The following BTBD7 variants were observed in gnomAD, a reference collection of about 807,000 sequenced individuals.
BTBD7 encodes the protein BTB/POZ domain-containing protein 7.
In BTBD7, 38 loss-of-function variants were observed where a neutral mutation model predicts 99.9. That is an observed-to-expected ratio of 0.38 (90% CI 0.29 to 0.50). The LOEUF (loss-of-function observed/expected upper bound fraction) is 0.50. Among genes scored for constraint, BTBD7 ranks in the 20% least tolerant of loss-of-function variants. BTBD7 has a pLI of 0.93. For missense variants in BTBD7, 1,170 were observed against 1,394.6 expected (o/e 0.84, Z 2.57); for synonymous variants, 520 against 511.4 (o/e 1.02, Z -0.23).
intron 3 of BTBD7, among the ~76,000 whole-genome samples, chr14:93,264,673 TA>T (rs951633123): frequency 2.0e-5 from 3 of 152,084 alleles, no homozygotes; most frequent in Non-Finnish European, 4.4e-5. Context: ...AAAATATAAG[TA>T]AAAATCTGAG....
intron 3 of BTBD7, among the ~76,000 whole-genome samples, chr14:93,281,482 C>T (rs1414970239): frequency 6.6e-6 from 1 of 152,124 alleles, no homozygotes; most frequent in African/African-American, 2.4e-5. Context: ...AGGAGTGAGA[C>T]TTTATAGTTC....
At chr14:93,273,820 C>T (rs1226776155) in intron 3 of BTBD7, among the ~76,000 whole-genome samples, 1 of 152,102 alleles carries the variant, frequency 6.6e-6, no homozygotes, top group Non-Finnish European at 1.5e-5. Flanking sequence ...AAATACAGTC[C>T]CTGTTCTGGG....
chr14:93,299,725 T>A (rs914066175), intron 1 of BTBD7, among the ~76,000 whole-genome samples: 1 of 152,094 alleles, frequency 6.6e-6, no homozygotes, highest in Non-Finnish European at 1.5e-5. Flanking sequence ...AGACATTTTT[T>A]AAAAAAGAGA....
chr14:93,297,143 A>C (rs1488460002), intron 1 of BTBD7, among the ~76,000 whole-genome samples: 1 of 152,226 alleles, frequency 6.6e-6, no homozygotes, highest in Non-Finnish European at 1.5e-5. Flanking sequence ...GTTTTAACAA[A>C]TATAGTGAAA....
In BTBD7 at chr14:93,246,109, G is replaced by A; in HGVS notation, c.2299C>T (p.Pro767Ser). 5.9e-6 allele frequency: 9 copies of A among 1,534,232 alleles called. No individual in the cohort carries two copies. Among genetic ancestry groups the A allele is most frequent in the Non-Finnish European group, 7.9e-6 (9 of 1,139,806 alleles). ...TGGTTATGGATTGGGGTAGCTGGGG[G>A]GTGGTAGGGAGGTGGTGGAGGGGGC... ...PLPPPPPPYH[P>S]PATPIHNQLK... The change falls in exon 10 of 11, where the codon CCC becomes TCC. Residue 767 changes from proline (P) to serine (S), a missense_variant. By Grantham distance (74) the Pro-to-Ser change is moderately conservative. This residue lies in a region of BTBD7 where 495 missense variants were observed against 525.9 expected (regional missense o/e 0.94). Transcript: ENST00000334746.
chr14:93,331,886 C>CCCA (rs2053426936), intron 1 of BTBD7, among the ~76,000 whole-genome samples: 1 of 147,242 alleles, frequency 6.8e-6, no homozygotes, highest in African/African-American at 2.7e-5. Flanking sequence ...GTCTCCCCCC[C>CCCA]CCCAAAAAGG....
At chr14:93,300,701 AATTTGTGT>A (rs1566856867) in intron 1 of BTBD7, among the ~76,000 whole-genome samples, 4 of 123,012 alleles carry the variant, frequency 3.3e-5, no homozygotes, top group Non-Finnish European at 6.7e-5. Context: ...ATGCCCAGCT[AATTTGTGT>A]GTGTGTGTGT....
chr14:93,257,334 G>A lies in BTBD7; in HGVS notation c.1469C>T (p.Thr490Ile), dbSNP rs771401273. 9.3e-6 allele frequency: 15 copies of A among 1,606,882 alleles called. No homozygotes were observed. In the East Asian group the frequency reaches 3.3e-4, roughly 36 times the overall value. Reference protein sequence around the residue: ...ADREPNLLSGTAHSVNKRGVK... With the variant: ...ADREPNLLSGIAHSVNKRGVK... ...ACCTCTTTTGTTCACACTATGGGCAGTGCCACTCAGTAAGTTTGGCTCTAT... is the reference window on the plus strand; with the variant it reads ...ACCTCTTTTGTTCACACTATGGGCAATGCCACTCAGTAAGTTTGGCTCTAT... The change falls in exon 6 of 11, where the codon ACT becomes ATT. Residue 490 changes from threonine to isoleucine, a missense_variant. Transcript: ENST00000334746.
chr14:93,295,027 G>A, intron 2 of BTBD7, 90 bp from the exon 3 acceptor site: 2 of 1,296,892 alleles, frequency 1.5e-6, no homozygotes, highest in Admixed American at 3.0e-5. Flanking sequence ...AATTCTGTAA[G>A]CAGACATTAC....
Position 93,241,823 on chromosome 14 carries a change from G to C in BTBD7, c.*450C>G, listed in dbSNP as rs565464438. 1 of 160,274 alleles carries C rather than the reference G, an allele frequency of 6.2e-6. No homozygotes were observed. Among genetic ancestry groups the C allele is most frequent in the East Asian group, 1.9e-4 (1 of 5,390 alleles). 9.9% of individuals were successfully genotyped at this position (160,274 alleles called of 1,614,324 possible). A position where few individuals can be genotyped will look rare whatever the true frequency, so the allele number is the denominator to read the frequency against. ...TAAAAAATAAACACAGAACTATTTCGTAAGAAAATACATCTTAGTGTGCAA... is the reference window on the plus strand; with the variant it reads ...TAAAAAATAAACACAGAACTATTTCCTAAGAAAATACATCTTAGTGTGCAA... On this transcript the variant is annotated 3_prime_UTR_variant, in exon 11 of 11. Transcript: ENST00000334746.
chr14:93,280,351 A>T (rs1595306621), intron 3 of BTBD7, among the ~76,000 whole-genome samples: 1 of 152,236 alleles, frequency 6.6e-6, no homozygotes, highest in East Asian at 1.9e-4. Context: ...TGTAAACGTC[A>T]ATTAGAAAGG....
intron 3 of BTBD7, among the ~76,000 whole-genome samples, chr14:93,281,052 G>A (rs2052713713): frequency 1.3e-5 from 2 of 152,032 alleles, no homozygotes; most frequent in South Asian, 4.2e-4. Flanking sequence ...AGCCAGGCTG[G>A]AGTGCAGTGG....
In BTBD7 at chr14:93,246,304, A is replaced by G. The variant is rs2052310204; in HGVS notation, c.2122-18T>C. The stretch of plus-strand genomic sequence containing the variant: ...TGAGGATTCTAAAAAAGATTAAAAA[A>G]AAAAAAAAAGGACATTTATTAGCAG... On this transcript the variant is annotated intron_variant, in intron 9 of 10. Coordinates refer to ENST00000334746, the MANE Select transcript of BTBD7 (RefSeq NM_001002860.4). 2 of 1,483,470 alleles carry G rather than the reference A, an allele frequency of 1.3e-6. No homozygotes were observed. Among genetic ancestry groups the G allele is most frequent in the Non-Finnish European group, 1.8e-6 (2 of 1,117,998 alleles). The allele number at this position is 1,483,470 out of a possible 1,614,324, so 91.9% of individuals were successfully genotyped here.
intron 6 of BTBD7, among the ~76,000 whole-genome samples, chr14:93,255,133 C>T (rs2052414671): frequency 6.6e-6 from 1 of 152,002 alleles, no homozygotes; most frequent in South Asian, 2.1e-4. Context: ...TATTTCCTTC[C>T]AGTCTTCTCT....
At chr14:93,254,095 G>A (rs968940517) in intron 6 of BTBD7, among the ~76,000 whole-genome samples, 28 of 151,802 alleles carry the variant, frequency 1.8e-4, no homozygotes, top group Admixed American at 1.7e-3. Flanking sequence ...TCACCACCAC[G>A]CCTGGCTAAT....
At chr14:93,287,881 T>C (rs1336835038) in intron 3 of BTBD7, 2 of 152,186 alleles carry the variant, frequency 1.3e-5, no homozygotes, top group Non-Finnish European at 2.9e-5. Context: ...GCTGCCTGAG[T>C]GGGGAAGCAG....
intron 1 of BTBD7, among the ~76,000 whole-genome samples, chr14:93,311,573 T>G (rs937415841): frequency 3.5e-4 from 53 of 152,312 alleles, no homozygotes; most frequent in African/African-American, 1.3e-3. Flanking sequence ...AATTCAGGTT[T>G]ATAGGGTTTT....
intron 10 of BTBD7, 65 bp downstream of exon 10, chr14:93,245,760 C>A: frequency 6.5e-7 from 1 of 1,548,956 alleles, no homozygotes; most frequent in South Asian, 1.2e-5. Context: ...CTCTTGGGGC[C>A]AAGAAAATTG....
intron 1 of BTBD7, among the ~76,000 whole-genome samples, chr14:93,322,721 G>C (rs1309259319): frequency 1.3e-5 from 2 of 152,080 alleles, no homozygotes; most frequent in African/African-American, 2.4e-5. Context: ...AAAACAAGAA[G>C]GTTTTTCTTC....
Sources: allele counts gnomAD v4.1 joint callset (sites outside exome capture counted in the v4.1 genomes callset), GRCh38; gene constraint gnomAD v4.1.1; regional missense constraint gnomAD v4.1.1; transcripts MANE v1.5; gene names NCBI Gene and HGNC (gene_info 2026-07-23, HGNC 2026-07-21).